Variants in DENND4C observed in about 807,000 individuals in gnomAD.
DENND4C encodes the protein DENN domain containing 4C.
DENND4C carries 108 observed loss-of-function variants against 203.0 expected under a neutral mutation model. The observed-to-expected ratio is 0.53, with a 90% CI of 0.46 to 0.62. The LOEUF (loss-of-function observed/expected upper bound fraction) is 0.62. Among genes scored for constraint, DENND4C ranks in the 20% least tolerant of loss-of-function variants. The probability of loss-of-function intolerance (pLI) is 0.00; values close to 1 mark genes in which losing one functional copy is unlikely to be tolerated. For synonymous variants in DENND4C, 871 were observed against 792.4 expected (o/e 1.10, Z -1.67); for missense variants, 2,481 against 2,301.2 (o/e 1.08, Z -1.60).
chr9:19,286,991 C>T lies in DENND4C; in HGVS notation c.528C>T (p.Cys176=), dbSNP rs1835325330. 3.2e-6 allele frequency: 4 copies of T among 1,232,038 alleles called. No individual in the cohort carries two copies. The South Asian group carries it at 1.2e-4, about 38-fold the overall frequency. 76.3% of individuals were successfully genotyped at this position (1,232,038 alleles called of 1,614,324 possible). The change falls in exon 3 of 33, where the codon TGC becomes TGT. Residue 176 remains cysteine (C), a synonymous_variant. Coordinates refer to ENST00000434457, the MANE Select transcript of DENND4C (RefSeq NM_001330640.2). ...GAGAAACTCCTCCTCATACCTTCTGCAAAGTTGACAAAAACTTAAATTGTG... is the reference window on the plus strand; with the variant it reads ...GAGAAACTCCTCCTCATACCTTCTGTAAAGTTGACAAAAACTTAAATTGTG... ...SKGETPPHTF[C]KVDKNLNCGM...
intron 1 of DENND4C, among the ~76,000 whole-genome samples, chr9:19,270,308 G>C (rs914459262): frequency 6.6e-6 from 1 of 152,170 alleles, no homozygotes; most frequent in Non-Finnish European, 1.5e-5. Context: ...TATTCAGCGG[G>C]TTGTGAATCT....
chr9:19,246,964 G>A (rs1356142316), intron 1 of DENND4C, among the ~76,000 whole-genome samples: 1 of 152,042 alleles, frequency 6.6e-6, no homozygotes, highest in Non-Finnish European at 1.5e-5. Context: ...TACCCTCTAA[G>A]ATTCCATTTT....
At chr9:19,284,663 G>T (rs919154570) in intron 2 of DENND4C, among the ~76,000 whole-genome samples, 6 of 152,048 alleles carry the variant, frequency 3.9e-5, no homozygotes, top group African/African-American at 1.4e-4. Flanking sequence ...TGGTGTATCA[G>T]AGTAATTTCA....
At chr9:19,263,671 T>TTTTTTTTTA (rs1190088245) in intron 1 of DENND4C, among the ~76,000 whole-genome samples, 6 of 151,292 alleles carry the variant, frequency 4.0e-5, no homozygotes, top group Non-Finnish European at 8.8e-5. Flanking sequence ...TTTTTTTTTT[T>TTTTTTTTTA]AAGACAGAAT....
In DENND4C at chr9:19,363,347, T is replaced by C. The variant is rs200060992; in HGVS notation, c.5524+1384T>C. Among the ~76,000 whole-genome samples, 41 of 151,990 alleles carry C rather than the reference T, an allele frequency of 2.7e-4. No individual in the cohort carries two copies. The East Asian group carries it at 5.3e-3, about 20-fold the overall frequency. On this transcript the variant is annotated intron_variant, in intron 30 of 32. Coordinates refer to ENST00000434457, the MANE Select transcript of DENND4C (RefSeq NM_001330640.2). Reference sequence around the variant, plus strand: ...TGGCCAAGATGGTCTTGGTCATCTCTACTAAAAATACAAAATTCAGCTGGG... The same window carrying C: ...TGGCCAAGATGGTCTTGGTCATCTCCACTAAAAATACAAAATTCAGCTGGG...
Position 19,316,793 on chromosome 9 carries a change from T to G in DENND4C, c.1761T>G (p.Ala587=), listed in dbSNP as rs892973862. Residue 587 remains alanine (A), a synonymous_variant, in exon 12 of 33, where the codon GCT becomes GCG. Coordinates refer to ENST00000434457, the MANE Select transcript of DENND4C (RefSeq NM_001330640.2). ...CATATCTCAGACCAATCACAGAGGC[T>G]CCTTCAAATAAAGCCACAGCTGCTG... ...YRTYLRPITE[A]PSNKATAADS... 6.2e-7 allele frequency: 1 copy of G among 1,613,886 alleles called. No individual in the cohort carries two copies. Among genetic ancestry groups the G allele is most frequent in the Non-Finnish European group, 8.5e-7 (1 of 1,179,940 alleles).
intron 10 of DENND4C, among the ~76,000 whole-genome samples, chr9:19,307,071 A>G (rs771919088): frequency 6.6e-6 from 1 of 152,100 alleles, no homozygotes. Context: ...GGCATGAGCC[A>G]CTGTGCCCGG....
At chr9:19,293,796 C>G (rs1383760980) in intron 5 of DENND4C, among the ~76,000 whole-genome samples, 1 of 152,162 alleles carries the variant, frequency 6.6e-6, no homozygotes, top group Non-Finnish European at 1.5e-5. Flanking sequence ...TGGCATTTTA[C>G]CTGTAATGGG....
intron 1 of DENND4C, among the ~76,000 whole-genome samples, chr9:19,240,752 A>C (rs903880649): frequency 1.3e-5 from 2 of 151,896 alleles, no homozygotes; most frequent in African/African-American, 4.8e-5. Flanking sequence ...AGATCACTTG[A>C]GGTCAGGAAT....
At chr9:19,347,181 C>G in intron 23 of DENND4C, 95 bp downstream of exon 23, 1 of 1,272,938 alleles carries the variant, frequency 7.9e-7, no homozygotes, top group Non-Finnish European at 1.1e-6. Flanking sequence ...ATTTCTGTGC[C>G]CAGGCTGGAG....
chr9:19,266,520 A>ACAAT (rs1280073777), intron 1 of DENND4C, among the ~76,000 whole-genome samples: 1 of 152,132 alleles, frequency 6.6e-6, no homozygotes, highest in Non-Finnish European at 1.5e-5. Flanking sequence ...CATTGCCAAG[A>ACAAT]CAATCCTAAG....
At chr9:19,314,720 C>A (rs1841442398) in intron 10 of DENND4C, among the ~76,000 whole-genome samples, 1 of 152,004 alleles carries the variant, frequency 6.6e-6, no homozygotes, top group South Asian at 2.1e-4. Flanking sequence ...ATTAAAAAAT[C>A]ATTTCATTAA....
chr9:19,342,554 A>G, intron 21 of DENND4C, 79 bp from the exon 22 acceptor site: 1 of 1,398,776 alleles, frequency 7.1e-7, no homozygotes, highest in African/African-American at 1.5e-5. Flanking sequence ...AAATACATAC[A>G]ATATCTAAAA....
At chr9:19,285,409 A>G (rs1834992464) in intron 2 of DENND4C, among the ~76,000 whole-genome samples, 1 of 152,062 alleles carries the variant, frequency 6.6e-6, no homozygotes, top group African/African-American at 2.4e-5. Context: ...TAATTTTAGA[A>G]CATTTTCATC....
At chr9:19,234,530 G>GTTTTTTT (rs34232597) in intron 1 of DENND4C, among the ~76,000 whole-genome samples, 2 of 104,450 alleles carry the variant, frequency 1.9e-5, no homozygotes, top group African/African-American at 3.7e-5. Flanking sequence ...GCACCTGGCT[G>GTTTTTTT]TTTTTTTTTT....
chr9:19,230,581 C>A (rs996651397), upstream of DENND4C: 4 of 152,140 alleles, frequency 2.6e-5, no homozygotes, highest in African/African-American at 9.7e-5. Flanking sequence ...GCCGCCCGCA[C>A]TGTCCGACGG....
chr9:19,285,570 T>C (rs1258531569), intron 2 of DENND4C, among the ~76,000 whole-genome samples: 1 of 140,746 alleles, frequency 7.1e-6, no homozygotes, highest in Admixed American at 7.8e-5. Context: ...TATGTGGTCT[T>C]TGTGACTTTT....
chr9:19,323,526 A>C (rs1369615506), intron 12 of DENND4C, among the ~76,000 whole-genome samples: 2 of 152,062 alleles, frequency 1.3e-5, no homozygotes, highest in African/African-American at 4.8e-5. Flanking sequence ...ATTAGAAAGG[A>C]GGAGACCTTG....
At chr9:19,347,505 G>T (rs1342049324) in intron 23 of DENND4C, among the ~76,000 whole-genome samples, 2 of 152,130 alleles carry the variant, frequency 1.3e-5, no homozygotes, top group Non-Finnish European at 2.9e-5. Flanking sequence ...AGTCTATTTT[G>T]TGTAGTCTAT....
Sources: gnomAD v4.1 joint callset for allele counts (sites outside exome capture counted in the v4.1 genomes callset) on GRCh38, gnomAD v4.1.1 for gene constraint, MANE v1.5 for transcripts, NCBI Gene and HGNC (gene_info 2026-07-23, HGNC 2026-07-21) for gene names.